NEK11: variants seen among roughly 807,000 people sequenced by gnomAD.
NEK11 encodes serine/threonine-protein kinase Nek11.
A neutral mutation model predicts 80.7 loss-of-function variants in NEK11; 72 were observed. The ratio of observed to expected loss-of-function variants is 0.89; its 90% CI spans 0.74 to 1.08. The LOEUF is 1.08. NEK11 is among the 50% of genes least tolerant of loss of function. The pLI is 0.00. For synonymous variants in NEK11, 251 were observed against 260.7 expected (o/e 0.96, Z 0.36); for missense variants, 764 against 763.6 (o/e 1.00, Z -0.01).
chr3:131,052,714 A>G (rs1272332741), intron 3 of NEK11, among the ~76,000 whole-genome samples: 1 of 152,184 alleles, frequency 6.6e-6, no homozygotes, highest in Non-Finnish European at 1.5e-5. Context: ...TCTTGTTGGC[A>G]TTTGATAGAA....
At chr3:131,101,549 T>C (rs1383542751) in intron 4 of NEK11, among the ~76,000 whole-genome samples, 1 of 152,170 alleles carries the variant, frequency 6.6e-6, no homozygotes, top group Admixed American at 6.5e-5. Flanking sequence ...TGAGAGGTCT[T>C]CTTGATATTG....
At chr3:131,113,739 C>G (rs540032657) in intron 5 of NEK11, among the ~76,000 whole-genome samples, 1 of 151,884 alleles carries the variant, frequency 6.6e-6, no homozygotes, top group Non-Finnish European at 1.5e-5. Flanking sequence ...AGTGAAACCC[C>G]ATCTCTACTG....
At chr3:131,094,441 A>AG (rs2077149884) in intron 4 of NEK11, among the ~76,000 whole-genome samples, 1 of 152,068 alleles carries the variant, frequency 6.6e-6, no homozygotes, top group Non-Finnish European at 1.5e-5. Flanking sequence ...GTGTTTTCCA[A>AG]GGGGGGTGGA....
intron 15 of NEK11, 93 bp downstream of exon 15, chr3:131,228,781 G>T: frequency 7.9e-7 from 1 of 1,262,468 alleles, no homozygotes; most frequent in South Asian, 1.6e-5. Flanking sequence ...AGGTGAAGTT[G>T]GGGACATGGG....
chr3:131,347,973 A>G (rs1233322874), intron 17 of NEK11, among the ~76,000 whole-genome samples: 1 of 152,146 alleles, frequency 6.6e-6, no homozygotes, highest in African/African-American at 2.4e-5. Flanking sequence ...ATTGAAATGA[A>G]GAAAAAGTAA....
chr3:131,204,521 A>T (rs1438118967), intron 14 of NEK11, among the ~76,000 whole-genome samples: 1 of 152,148 alleles, frequency 6.6e-6, no homozygotes, highest in Non-Finnish European at 1.5e-5. Context: ...GTAGATAGTC[A>T]GAATTGAATT....
intron 15 of NEK11, among the ~76,000 whole-genome samples, chr3:131,229,382 G>A (rs912882296): frequency 2.6e-5 from 4 of 152,126 alleles, no homozygotes; most frequent in African/African-American, 9.7e-5. Context: ...GAAGGGGAAA[G>A]CTTTGGGCAA....
intron 17 of NEK11, among the ~76,000 whole-genome samples, chr3:131,316,183 A>G (rs2096838128): frequency 1.3e-5 from 2 of 152,252 alleles, no homozygotes; most frequent in Admixed American, 1.3e-4. Context: ...CTACTTAAAC[A>G]GAACTTTTTA....
At chr3:131,277,863 G>A (rs1035203370) in intron 17 of NEK11, among the ~76,000 whole-genome samples, 2 of 152,216 alleles carry the variant, frequency 1.3e-5, no homozygotes, top group African/African-American at 4.8e-5. Context: ...TAGAGTTGTT[G>A]TTAGGGTGAG....
intron 17 of NEK11, among the ~76,000 whole-genome samples, chr3:131,323,289 T>C (rs1206458542): frequency 6.6e-6 from 1 of 152,240 alleles, no homozygotes; most frequent in Non-Finnish European, 1.5e-5. Flanking sequence ...CCACAGCAGG[T>C]GCTAAAGCAC....
At chr3:131,102,837 C>T (rs934767503) in intron 4 of NEK11, among the ~76,000 whole-genome samples, 3 of 152,086 alleles carry the variant, frequency 2.0e-5, no homozygotes, top group African/African-American at 4.8e-5. Flanking sequence ...TTATATAATC[C>T]TATATTTATC....
At chr3:131,316,319 C>A (rs2109569135) in intron 17 of NEK11, among the ~76,000 whole-genome samples, 1 of 152,232 alleles carries the variant, frequency 6.6e-6, no homozygotes, top group East Asian at 1.9e-4. Flanking sequence ...TCTTGTGTGT[C>A]CTTAATTTGT....
chr3:131,248,646 T>C (rs745590462), intron 16 of NEK11, among the ~76,000 whole-genome samples: 1 of 152,070 alleles, frequency 6.6e-6, no homozygotes, highest in African/African-American at 2.4e-5. Flanking sequence ...TCTCCCATAT[T>C]AGGGCTTTAC....
chr3:131,289,448 AC>A (rs1461777605), intron 17 of NEK11, among the ~76,000 whole-genome samples: 1 of 152,154 alleles, frequency 6.6e-6, no homozygotes, highest in Non-Finnish European at 1.5e-5. Context: ...TGGTGGAAGG[AC>A]TTTCTTACAG....
chr3:131,211,314 G>A (rs1580258928), intron 14 of NEK11, among the ~76,000 whole-genome samples: 1 of 152,178 alleles, frequency 6.6e-6, no homozygotes, highest in Non-Finnish European at 1.5e-5. Flanking sequence ...CTTCTGGCTT[G>A]TAGAGTTTCT....
At chr3:131,148,371 T>G (rs2149770248) in intron 7 of NEK11, among the ~76,000 whole-genome samples, 1 of 152,142 alleles carries the variant, frequency 6.6e-6, no homozygotes. Flanking sequence ...AGTATCAAAC[T>G]TGTCCTGGTC....
At chr3:131,118,216 C>T (rs1168599676) in intron 5 of NEK11, among the ~76,000 whole-genome samples, 2 of 152,168 alleles carry the variant, frequency 1.3e-5, no homozygotes, top group Non-Finnish European at 2.9e-5. Flanking sequence ...GCCTTTTCTG[C>T]ATCTATTGAG....
intron 11 of NEK11, among the ~76,000 whole-genome samples, chr3:131,164,890 A>G (rs1350833141): frequency 6.6e-6 from 1 of 152,230 alleles, no homozygotes; most frequent in Non-Finnish European, 1.5e-5. Context: ...TTAGCCCACA[A>G]GTAATCATAA....
rs200927291 is a variant in NEK11, at chr3:131,152,200, T to TG, written c.648-186dup. Among the ~76,000 whole-genome samples, 662 of 151,960 alleles carry TG rather than the reference T, an allele frequency of 4.4e-3. 4 individuals are homozygous for TG. The highest frequency in any genetic ancestry group is 0.014 in the African/African-American group (598 of 41,386). On this transcript the variant is annotated intron_variant, in intron 7 of 17. Coordinates refer to ENST00000383366, the MANE Select transcript of NEK11 (RefSeq NM_024800.5). ...TTTGTGCTTTATTCTTTCACTTTTT[T>TG]GGTTTTTTTTTTGGTAAACATGTAT...
Sources: allele counts gnomAD v4.1 joint callset (sites outside exome capture counted in the v4.1 genomes callset), GRCh38; gene constraint gnomAD v4.1.1; transcripts MANE v1.5; gene names NCBI Gene and HGNC (gene_info 2026-07-23, HGNC 2026-07-21).